MATR3: variants seen among roughly 807,000 people sequenced by gnomAD.
MATR3 encodes matrin 3.
In MATR3, 4 loss-of-function variants were observed where a neutral mutation model predicts 85.5. The observed-to-expected ratio is 0.05, with a 90% confidence interval of 0.02 to 0.11. MATR3 has a LOEUF of 0.11. MATR3 is among the 10% of genes least tolerant of loss of function. The probability of loss-of-function intolerance (pLI) is 1.00; values close to 1 mark genes in which losing one functional copy is unlikely to be tolerated. For missense variants in MATR3, 685 were observed against 1,016.1 expected (o/e 0.67, Z 4.43); for synonymous variants, 336 against 343.1 (o/e 0.98, Z 0.23).
chr5:139,316,978 C>T, intron 5 of MATR3, 75 bp from the exon 6 acceptor site: 2 of 1,147,532 alleles, frequency 1.7e-6, no homozygotes, highest in Non-Finnish European at 2.6e-6. Flanking sequence ...TTGGAAGATG[C>T]ACGTTTTTCA....
intron 9 of MATR3, among the ~76,000 whole-genome samples, chr5:139,321,627 AC>A (rs891811798): frequency 7.2e-5 from 11 of 152,136 alleles, no homozygotes; most frequent in Non-Finnish European, 7.4e-5. Flanking sequence ...TACAAAAAAT[AC>A]AAAAATTAGC....
intron 1 of MATR3, among the ~76,000 whole-genome samples, chr5:139,297,751 TTTGGAAGTGGAA>T (rs1215826435): frequency 9.9e-5 from 15 of 152,280 alleles, no homozygotes; most frequent in African/African-American, 3.6e-4. Flanking sequence ...CTCAAGGCTC[TTTGGAAGTGGAA>T]AATAAAAAGT....
chr5:139,283,033 T>C (rs1001872371), intron 3 of MATR3: 7 of 152,292 alleles, frequency 4.6e-5, no homozygotes, highest in African/African-American at 1.7e-4. Flanking sequence ...TTTTATTCTG[T>C]GGTCTTACTT....
Position 139,280,900 on chromosome 5 carries a change from A to G in MATR3, c.-178+1771A>G, listed in dbSNP as rs530518936. 1.8e-4 allele frequency among the ~76,000 whole-genome samples: 27 copies of G among 152,202 alleles called. No individual in the cohort carries two copies. The South Asian group carries it at 5.0e-3, about 28-fold the overall frequency. ...ATGGTGTAATCATGTGCATTTAAATAATTTGATGGGATTTCCTACTTGATA... is the reference window on the plus strand; with the variant it reads ...ATGGTGTAATCATGTGCATTTAAATGATTTGATGGGATTTCCTACTTGATA... On this transcript the variant is annotated intron_variant, in intron 3 of 16. Coordinates refer to ENST00000509990, the Ensembl canonical transcript of MATR3.
intron 1 of MATR3, among the ~76,000 whole-genome samples, chr5:139,305,616 C>T (rs938204922): frequency 6.6e-6 from 1 of 152,196 alleles, no homozygotes; most frequent in African/African-American, 2.4e-5. Context: ...ATTTATAAGA[C>T]ATATCAAAGA....
chr5:139,315,082 A>T (rs1755173906), intron 3 of MATR3: 1 of 227,124 alleles, frequency 4.4e-6, no homozygotes, highest in Admixed American at 5.1e-5. Context: ...AATGTAAAAG[A>T]TACGGAAAAG....
chr5:139,277,535 G>A (rs886210732), intron 2 of MATR3, among the ~76,000 whole-genome samples: 9 of 152,120 alleles, frequency 5.9e-5, no homozygotes, highest in Non-Finnish European at 8.8e-5. Flanking sequence ...GGGGTCTTAA[G>A]GCTAGTGATA....
At chr5:139,313,425 T>TG (rs1349621764) in intron 2 of MATR3, 1 of 151,846 alleles carries the variant, frequency 6.6e-6, no homozygotes, top group African/African-American at 2.4e-5. Context: ...AACAACCCTA[T>TG]GAGACTCTTG....
chr5:139,322,823 G>T lies in MATR3; in HGVS notation c.2004G>T (p.Leu668=). ...LLVDEEEAAA[L]LESGSSVGDE... is the part of the protein sequence containing the mutation. The stretch of plus-strand genomic sequence containing the variant: ...TAGATGAAGAAGAAGCAGCAGCACT[G>T]CTAGAAAGTGGCAGTTCAGTGGGAG... Residue 668 remains leucine (L), a synonymous_variant, in exon 12 of 15, where the codon CTG becomes CTT. Coordinates refer to ENST00000394805, the MANE Select transcript of MATR3 (RefSeq NM_018834.6). 6.2e-7 allele frequency: 1 copy of T among 1,614,208 alleles called. No homozygotes were observed. Among genetic ancestry groups the T allele is most frequent in the Non-Finnish European group, 8.5e-7 (1 of 1,180,034 alleles).
At chr5:139,293,089 G>A (rs1400871409), upstream of MATR3, among the ~76,000 whole-genome samples, 1 of 151,788 alleles carries the variant, frequency 6.6e-6, no homozygotes, top group Non-Finnish European at 1.5e-5. Context: ...CCATCTCTAC[G>A]GAAAAAATAA....
At chr5:139,276,895 C>T (rs1218784572) in intron 2 of MATR3, among the ~76,000 whole-genome samples, 1 of 152,116 alleles carries the variant, frequency 6.6e-6, no homozygotes, top group Admixed American at 6.6e-5. Context: ...CATTCTCTAG[C>T]TGTTTAATAA....
At chr5:139,320,331 C>T (rs1169764589) in intron 9 of MATR3, among the ~76,000 whole-genome samples, 1 of 151,934 alleles carries the variant, frequency 6.6e-6, no homozygotes, top group East Asian at 1.9e-4. Context: ...TAGAGTTAGG[C>T]TGGATGCATT....
At chr5:139,288,202 C>A (rs1158249167) in intron 3 of MATR3, among the ~76,000 whole-genome samples, 1 of 151,942 alleles carries the variant, frequency 6.6e-6, no homozygotes, top group African/African-American at 2.4e-5. Context: ...AAACACGAGA[C>A]CCTGTCTCAA....
chr5:139,293,570 C>T (rs1317695008), upstream of MATR3: 1 of 169,662 alleles, frequency 5.9e-6, no homozygotes, highest in East Asian at 1.6e-4. Flanking sequence ...AGAACAACGA[C>T]CGCAGGCGAG....
intron 7 of MATR3, among the ~76,000 whole-genome samples, chr5:139,318,073 TTAATC>T (rs1411623415): frequency 8.5e-5 from 13 of 152,156 alleles, no homozygotes; most frequent in African/African-American, 3.1e-4. Flanking sequence ...CAGTAGAAAA[TTAATC>T]TGAGGTGGCC....
chr5:139,314,876 C>G (rs1234893790), intron 3 of MATR3, 140 bp downstream of exon 3: 1 of 729,494 alleles, frequency 1.4e-6, no homozygotes, highest in Non-Finnish European at 2.4e-6. Context: ...ATACTATTTA[C>G]AAGTAAAATG....
At chr5:139,311,523 G>C (rs185108399) in intron 2 of MATR3, 2 of 152,094 alleles carry the variant, frequency 1.3e-5, no homozygotes, top group African/African-American at 4.8e-5. Flanking sequence ...TTTTCACTTT[G>C]AAAGACCAGA....
chr5:139,303,669 T>G (rs1228540267), intron 1 of MATR3, among the ~76,000 whole-genome samples: 2 of 151,950 alleles, frequency 1.3e-5, no homozygotes, highest in Non-Finnish European at 2.9e-5. Flanking sequence ...AGGCAGAGGT[T>G]ACAGTGAGCC....
chr5:139,276,873 T>A (rs1337100258), intron 2 of MATR3, among the ~76,000 whole-genome samples: 1 of 152,212 alleles, frequency 6.6e-6, no homozygotes, highest in African/African-American at 2.4e-5. Context: ...TAATTCACTT[T>A]AAAATTATGG....
Sources: gnomAD v4.1 joint callset for allele counts (sites outside exome capture counted in the v4.1 genomes callset) on GRCh38, gnomAD v4.1.1 for gene constraint, MANE v1.5 for transcripts, NCBI Gene and HGNC (gene_info 2026-07-23, HGNC 2026-07-21) for gene names.